The following CSMD1 variants were observed in gnomAD, a reference collection of about 807,000 sequenced individuals.
The protein encoded by CSMD1 is CUB and Sushi multiple domains 1.
Under a neutral mutation model 417.5 loss-of-function variants are expected in CSMD1, and 213 were observed. The ratio of observed to expected loss-of-function variants is 0.51; its 90% CI spans 0.46 to 0.57. CSMD1 has a LOEUF of 0.57. CSMD1 is among the 20% of genes least tolerant of loss of function. The probability of loss-of-function intolerance (pLI) is 0.00; values close to 1 mark genes in which losing one functional copy is unlikely to be tolerated. For missense variants in CSMD1, 6,923 were observed against 4,529.7 expected, an observed-to-expected ratio of 1.53 and a Z score of -15.17; for synonymous variants, 2,862 against 1,736.8, an observed-to-expected ratio of 1.65 and a Z score of -16.11.
In CSMD1 at chr8:3,508,013, T is replaced by C. The variant is rs182232007; in HGVS notation, c.1345-14287A>G. Among the ~76,000 whole-genome samples the C allele has an allele frequency of 3.0e-4, 46 of 152,338 alleles. No individual in the cohort carries two copies. In the East Asian group the frequency reaches 6.2e-3, roughly 20 times the overall value. On this transcript the variant is annotated intron_variant, in intron 10 of 69. Transcript: ENST00000635120. ...CTGTGCAGAGGCTCTTGAGTTTTAT[T>C]AGATCCCATTTGTCAATTTTGGCTT...
At chr8:4,819,715 A>G (rs1799411828) in intron 1 of CSMD1, among the ~76,000 whole-genome samples, 1 of 152,136 alleles carries the variant, frequency 6.6e-6, no homozygotes, top group Non-Finnish European at 1.5e-5. Flanking sequence ...GAGTTCTTAC[A>G]GATAAAACCA....
At chr8:4,513,952 T>C (rs1235089323) in intron 2 of CSMD1, among the ~76,000 whole-genome samples, 1 of 152,210 alleles carries the variant, frequency 6.6e-6, no homozygotes, top group Non-Finnish European at 1.5e-5. Flanking sequence ...ATCCAAAGAA[T>C]CACTTGGGAC....
At position 3,142,407 on chromosome 8, in the gene CSMD1, A is replaced by T. The variant is rs2406569; in HGVS notation, c.6241+58T>A. 173,106 of 1,358,546 alleles carry T rather than the reference A, an allele frequency of 0.13. 13,599 individuals carry two copies. Among genetic ancestry groups the T allele is most frequent in the East Asian group, 0.37 (15,224 of 40,954 alleles). 84.2% of individuals were successfully genotyped at this position (1,358,546 alleles called of 1,614,324 possible). A position where few individuals can be genotyped will look rare whatever the true frequency, so the allele number is the denominator to read the frequency against. On this transcript the variant is annotated intron_variant, in intron 41 of 69. Transcript: ENST00000635120. ...TTAGGGAGATTTATACTTAAATACA[A>T]TTTACATGTAAGAAGTGTATTTAGA...
At chr8:3,740,286 A>G (rs931654564) in intron 6 of CSMD1, among the ~76,000 whole-genome samples, 16 of 152,088 alleles carry the variant, frequency 1.1e-4, no homozygotes, top group African/African-American at 3.6e-4. Flanking sequence ...TTCTATTTTT[A>G]GTACAGATGG....
intron 6 of CSMD1, among the ~76,000 whole-genome samples, chr8:3,733,249 A>AAT (rs1796359407): frequency 1.9e-5 from 2 of 104,690 alleles, no homozygotes; most frequent in African/African-American, 3.7e-5. Flanking sequence ...TACACATATT[A>AAT]ATATATATAC....
rs1476301579 is a variant in CSMD1, at chr8:3,596,274, G to T, written c.1098-10014C>A. ...CATGCATCAGCCTCACACAATAGCA[G>T]CAGACATGAGTTTGTTTTACTTCAT... On this transcript the variant is annotated intron_variant, in intron 8 of 69. Coordinates refer to ENST00000635120, the MANE Select transcript of CSMD1 (RefSeq NM_033225.6). Among the ~76,000 whole-genome samples, 4 of 152,150 alleles carry T rather than the reference G, an allele frequency of 2.6e-5. No individual in the cohort carries two copies. In the East Asian group the frequency reaches 7.7e-4, roughly 29 times the overall value.
In CSMD1 at chr8:4,132,162, G is replaced by C. The variant is rs73176344; in HGVS notation, c.416-100063C>G. Among the ~76,000 whole-genome samples, 888 of 142,746 alleles carry C rather than the reference G, an allele frequency of 6.2e-3. 1 individual carries two copies. Among genetic ancestry groups the C allele is most frequent in the Middle Eastern group, 0.012 (3 of 258 alleles). The allele number at this position is 142,746 out of a possible 152,430, so 93.6% of individuals were successfully genotyped here. A position where few individuals can be genotyped will look rare whatever the true frequency, so the allele number is the denominator to read the frequency against. On this transcript the variant is annotated intron_variant, in intron 3 of 69. Coordinates refer to ENST00000635120, the MANE Select transcript of CSMD1 (RefSeq NM_033225.6). The stretch of plus-strand genomic sequence containing the variant: ...CATTTCTACAGATCAGCTGTTGCCT[G>C]TTTGTTTATGCGGGTAAAATTTGTC...
At chr8:2,971,310 G>A (rs1804437067) in intron 57 of CSMD1, among the ~76,000 whole-genome samples, 1 of 151,956 alleles carries the variant, frequency 6.6e-6, no homozygotes, top group East Asian at 1.9e-4. Context: ...TTTGCTCAGT[G>A]TAGGACCCAA....
At chr8:3,356,649 T>G (rs1419549491) in intron 21 of CSMD1, among the ~76,000 whole-genome samples, 4 of 152,170 alleles carry the variant, frequency 2.6e-5, no homozygotes, top group African/African-American at 4.8e-5. Context: ...CACTCCAGCC[T>G]GGGTGACAAG....
chr8:4,971,703 ATAT>A (rs1810250427), intron 1 of CSMD1, among the ~76,000 whole-genome samples: 7 of 151,518 alleles, frequency 4.6e-5, no homozygotes, highest in Admixed American at 1.3e-4. Context: ...ATATATATAT[ATAT>A]AATTTGCTTC....
intron 54 of CSMD1, among the ~76,000 whole-genome samples, chr8:2,987,658 G>A (rs1287549588): frequency 6.6e-6 from 1 of 152,296 alleles, no homozygotes; most frequent in East Asian, 1.9e-4. Context: ...TAAAATCGGA[G>A]GATGAATGCC....
chr8:3,998,025 C>T lies in CSMD1; in HGVS notation c.696G>A (p.Ala232=), dbSNP rs374972647. The part of the protein sequence containing the change: ...PHFPSEYENN[A]DCTWTILAEP... ...CAGCCAGAATGGTCCAGGTGCAGTC[C>T]GCGTTGTTCTCGTACTCTGAAGGGA... Residue 232 remains alanine, a synonymous_variant, in exon 5 of 70, where the codon GCG becomes GCA. Transcript: ENST00000635120. The T allele has an allele frequency of 7.7e-5, 123 of 1,606,322 alleles. No homozygotes were observed. Among genetic ancestry groups the T allele is most frequent in the Admixed American group, 2.5e-4 (15 of 59,056 alleles).
chr8:4,314,037 G>GATA (rs1044340334), intron 3 of CSMD1, among the ~76,000 whole-genome samples: 7 of 147,384 alleles, frequency 4.7e-5, no homozygotes, highest in Non-Finnish European at 1.0e-4. Context: ...TAATAATAAT[G>GATA]ATAATAATAA....
chr8:4,044,110 A>G (rs6558835), intron 3 of CSMD1, among the ~76,000 whole-genome samples: 1 of 151,988 alleles, frequency 6.6e-6, no homozygotes, highest in Non-Finnish European at 1.5e-5. Context: ...ATTTGATATG[A>G]TATTTTCTGG....
chr8:4,910,322 G>C (rs1805576645), intron 1 of CSMD1, among the ~76,000 whole-genome samples: 1 of 152,122 alleles, frequency 6.6e-6, no homozygotes. Flanking sequence ...AGCTTTTTCT[G>C]TCAATGTTGA....
At chr8:3,285,448 A>T (rs1247565700) in intron 25 of CSMD1, among the ~76,000 whole-genome samples, 1 of 150,706 alleles carries the variant, frequency 6.6e-6, no homozygotes, top group East Asian at 1.9e-4. Flanking sequence ...GTGCAGTGTC[A>T]TGATCTTGGC....
At chr8:4,758,359 T>C (rs957818161) in intron 1 of CSMD1, among the ~76,000 whole-genome samples, 4 of 152,166 alleles carry the variant, frequency 2.6e-5, no homozygotes, top group African/African-American at 7.2e-5. Context: ...CCTCTATGTA[T>C]TATGCATTTT....
chr8:3,206,519 C>T (rs1388021630), intron 30 of CSMD1, among the ~76,000 whole-genome samples: 1 of 106,170 alleles, frequency 9.4e-6, no homozygotes, highest in African/African-American at 3.9e-5. Flanking sequence ...TGGTGTATGT[C>T]TGCGTGTGTA....
chr8:3,540,084 C>G (rs1798374740), intron 10 of CSMD1, among the ~76,000 whole-genome samples: 1 of 152,168 alleles, frequency 6.6e-6, no homozygotes, highest in Non-Finnish European at 1.5e-5. Context: ...AAATAGGCTT[C>G]TCTGTGATTC....
Sources: allele counts gnomAD v4.1 joint callset (sites outside exome capture counted in the v4.1 genomes callset), GRCh38; gene constraint gnomAD v4.1.1; transcripts MANE v1.5; gene names NCBI Gene and HGNC (gene_info 2026-07-23, HGNC 2026-07-21).